GRIN2A: variants seen among roughly 807,000 people sequenced by gnomAD.
GRIN2A encodes the protein glutamate ionotropic receptor NMDA type subunit 2A, also known as glutamate receptor ionotropic, NMDA 2A.
In GRIN2A, 22 loss-of-function variants were observed where a neutral mutation model predicts 113.4. That is an observed-to-expected ratio of 0.19 (90% confidence interval 0.14 to 0.28). GRIN2A has a LOEUF of 0.28. Ranked by LOEUF, GRIN2A falls within the 10% of genes least tolerant of loss-of-function variation. GRIN2A has a pLI of 1.00. For missense variants in GRIN2A, 1,502 were observed against 1,887.0 expected, an observed-to-expected ratio of 0.80 and a Z score of 3.78; for synonymous variants, 827 against 738.4, an observed-to-expected ratio of 1.12 and a Z score of -1.94.
chr16:9,978,032 A>G (rs1433708147), intron 2 of GRIN2A, among the ~76,000 whole-genome samples: 1 of 152,202 alleles, frequency 6.6e-6, no homozygotes, highest in East Asian at 1.9e-4. Context: ...TGTGCCATAT[A>G]TTCACTGGAT....
chr16:9,983,172 C>A (rs1379305830), intron 2 of GRIN2A, among the ~76,000 whole-genome samples: 2 of 152,138 alleles, frequency 1.3e-5, no homozygotes, highest in Non-Finnish European at 2.9e-5. Context: ...ATATTTTTAA[C>A]TATGGTCATC....
chr16:9,954,843 A>G (rs941604293), intron 2 of GRIN2A, among the ~76,000 whole-genome samples: 1 of 152,210 alleles, frequency 6.6e-6, no homozygotes, highest in African/African-American at 2.4e-5. Flanking sequence ...ATGAATCCAG[A>G]ATTCAATATG....
chr16:9,949,554 G>A (rs572381725), intron 2 of GRIN2A, among the ~76,000 whole-genome samples: 2 of 151,890 alleles, frequency 1.3e-5, no homozygotes, highest in South Asian at 4.2e-4. Flanking sequence ...TTGGGAGGAT[G>A]AATGAATGAA....
At chr16:9,866,511 A>G (rs2043162481) in intron 4 of GRIN2A, among the ~76,000 whole-genome samples, 1 of 152,158 alleles carries the variant, frequency 6.6e-6, no homozygotes, top group Non-Finnish European at 1.5e-5. Context: ...GCCCTTGGAT[A>G]TTGGGCTACA....
At chr16:10,158,445 G>C (rs1157255586) in intron 2 of GRIN2A, among the ~76,000 whole-genome samples, 1 of 152,166 alleles carries the variant, frequency 6.6e-6, no homozygotes, top group African/African-American at 2.4e-5. Context: ...TTGAAAACAG[G>C]TGTTCAAACA....
chr16:9,977,919 G>A (rs187399934), intron 2 of GRIN2A, among the ~76,000 whole-genome samples: 4 of 152,278 alleles, frequency 2.6e-5, no homozygotes, highest in African/African-American at 9.6e-5. Flanking sequence ...GGTCAACCCT[G>A]CAGCTTAACA....
intron 4 of GRIN2A, among the ~76,000 whole-genome samples, chr16:9,883,263 T>C (rs1381955429): frequency 6.6e-6 from 1 of 152,176 alleles, no homozygotes; most frequent in Non-Finnish European, 1.5e-5. Flanking sequence ...GCTGAAGTCG[T>C]CGATACCAAC....
intron 2 of GRIN2A, among the ~76,000 whole-genome samples, chr16:9,977,143 C>A (rs925034116): frequency 1.3e-5 from 2 of 152,124 alleles, no homozygotes; most frequent in African/African-American, 4.8e-5. Context: ...AAAAATTAAA[C>A]AAGCCAGGTG....
At chr16:9,770,030 T>G (rs758142584) in intron 11 of GRIN2A, among the ~76,000 whole-genome samples, 5 of 152,126 alleles carry the variant, frequency 3.3e-5, no homozygotes, top group Non-Finnish European at 7.4e-5. Context: ...TTTTTTCCAA[T>G]GGGGGGAAGA....
intron 2 of GRIN2A, among the ~76,000 whole-genome samples, chr16:10,080,725 G>C (rs1399387448): frequency 6.6e-6 from 1 of 152,182 alleles, no homozygotes; most frequent in African/African-American, 2.4e-5. Flanking sequence ...TTGTATTGCA[G>C]ATCCTTGTAT....
chr16:9,863,573 G>A (rs2043109180), intron 4 of GRIN2A, among the ~76,000 whole-genome samples: 1 of 152,178 alleles, frequency 6.6e-6, no homozygotes, highest in East Asian at 1.9e-4. Context: ...AAGGCGATCA[G>A]AACAGCAGAT....
intron 2 of GRIN2A, among the ~76,000 whole-genome samples, chr16:10,159,263 T>C (rs1465260361): frequency 2.6e-5 from 4 of 152,066 alleles, no homozygotes; most frequent in African/African-American, 7.2e-5. Context: ...AGGAATACCA[T>C]TGACAGAGAG....
Position 9,754,338 on chromosome 16 carries a change from G to C in GRIN2A, c.*8811C>G, listed in dbSNP as rs1158584168. 4.8e-6 allele frequency: 1 copy of C among 206,612 alleles called. No individual in the cohort carries two copies. Among genetic ancestry groups the C allele is most frequent in the East Asian group, 7.3e-5 (1 of 13,624 alleles). 12.8% of individuals were successfully genotyped at this position (206,612 alleles called of 1,614,324 possible). A position where few individuals can be genotyped will look rare whatever the true frequency, so the allele number is the denominator to read the frequency against. On this transcript the variant is annotated 3_prime_UTR_variant, in exon 13 of 13. Transcript: ENST00000330684. The stretch of plus-strand genomic sequence containing the variant: ...CTTTGGGGACCCTCAGGTTTGGAAG[G>C]CATCTGAGCCACATCTAACTATGTC...
intron 2 of GRIN2A, among the ~76,000 whole-genome samples, chr16:10,042,452 G>A (rs1265980914): frequency 6.6e-6 from 1 of 152,120 alleles, no homozygotes; most frequent in Non-Finnish European, 1.5e-5. Context: ...AGCCATCCAT[G>A]CCAGCCAGTC....
chr16:9,843,933 G>T (rs957493350), intron 5 of GRIN2A, among the ~76,000 whole-genome samples: 1 of 152,202 alleles, frequency 6.6e-6, no homozygotes, highest in Non-Finnish European at 1.5e-5. Flanking sequence ...GGAATGTCCA[G>T]ATACCATTTC....
At position 9,756,470 on chromosome 16, in the gene GRIN2A, AACCTCAAAAGAGCAC is replaced by A. The variant is rs1567268679; in HGVS notation, c.*6664_*6678del. On this transcript the variant is annotated 3_prime_UTR_variant, in exon 13 of 13. Transcript: ENST00000330684. ...TGATACTCAAGGGTATATGCCCAGG[AACCTCAAAAGAGCAC>A]ACCTCTCTTTCTGACTTCTATTCTG... 1 of 227,530 alleles carries A rather than the reference AACCTCAAAAGAGCAC, an allele frequency of 4.4e-6. No individual in the cohort carries two copies. The highest frequency in any genetic ancestry group is 6.3e-5 in the East Asian group (1 of 15,958). 14.1% of individuals were successfully genotyped at this position (227,530 alleles called of 1,614,324 possible). A position where few individuals can be genotyped will look rare whatever the true frequency, so the allele number is the denominator to read the frequency against.
chr16:10,162,441 T>G (rs2049825110), intron 2 of GRIN2A, among the ~76,000 whole-genome samples: 2 of 152,232 alleles, frequency 1.3e-5, no homozygotes, highest in African/African-American at 4.8e-5. Context: ...AAAGATGGTT[T>G]AAACAACAGA....
chr16:9,805,820 G>A (rs140244715), intron 10 of GRIN2A, among the ~76,000 whole-genome samples: 53 of 152,150 alleles, frequency 3.5e-4, no homozygotes, highest in Admixed American at 3.1e-3. Flanking sequence ...GGTACCCATC[G>A]GGGAAGGGCA....
chr16:10,005,294 C>T (rs2046386973), intron 2 of GRIN2A, among the ~76,000 whole-genome samples: 1 of 152,076 alleles, frequency 6.6e-6, no homozygotes. Flanking sequence ...GCCAATGTAC[C>T]CTTAAAAGTT....
Sources: gnomAD v4.1 joint callset for allele counts (sites outside exome capture counted in the v4.1 genomes callset) on GRCh38, gnomAD v4.1.1 for gene constraint, MANE v1.5 for transcripts, NCBI Gene and HGNC (gene_info 2026-07-23, HGNC 2026-07-21) for gene names.